The following HACD4 variants were observed in gnomAD, a reference collection of about 807,000 sequenced individuals.
HACD4 encodes very-long-chain (3R)-3-hydroxyacyl-CoA dehydratase 4.
Under a neutral mutation model 33.3 loss-of-function variants are expected in HACD4, and 35 were observed. The ratio of observed to expected loss-of-function variants is 1.05; its 90% CI spans 0.80 to 1.39. The LOEUF (loss-of-function observed/expected upper bound fraction) is 1.39, where lower values mean the gene tolerates loss of function less well. Ranked by LOEUF, HACD4 falls within the 40% of genes most tolerant of loss-of-function variation. The pLI, the probability that HACD4 is intolerant of heterozygous loss-of-function variation, is 0.00. For missense variants in HACD4, 323 were observed against 276.5 expected, an observed-to-expected ratio of 1.17 and a Z score of -1.19; for synonymous variants, 118 against 98.0, an observed-to-expected ratio of 1.20 and a Z score of -1.21.
chr9:21,007,092 TATAG>T lies in HACD4; in HGVS notation c.640_643del (p.Leu214ThrfsTer60). ...TCCGAGGATGTCTCTTCTTTCTGAG[TATAG>T]ATGACTGTAGGTAAAATACATACCT... On this transcript the variant is annotated frameshift_variant, in exon 7 of 7. Coordinates refer to ENST00000495827, the MANE Select transcript of HACD4 (RefSeq NM_001010915.5). LOFTEE classifies it high-confidence loss of function. 1 of 1,579,236 alleles carries T rather than the reference TATAG, an allele frequency of 6.3e-7. No individual in the cohort carries two copies. Among genetic ancestry groups the T allele is most frequent in the Non-Finnish European group, 8.7e-7 (1 of 1,148,396 alleles).
At position 21,000,561 on chromosome 9, in the gene HACD4, T is replaced by C. The variant is rs1032854792; in HGVS notation, c.*6476A>G. ...CATTCTAAACAGGTGAACTTGTTAA[T>C]TGTGGCTGTTGCTCCCTGAACATAC... On this transcript the variant is annotated 3_prime_UTR_variant, in exon 7 of 7. Transcript: ENST00000495827. The C allele has an allele frequency of 3.9e-5, 6 of 152,176 alleles. No homozygotes were observed. Among genetic ancestry groups the C allele is most frequent in the Non-Finnish European group, 7.4e-5 (5 of 68,014 alleles). 9.4% of individuals were successfully genotyped at this position (152,176 alleles called of 1,614,324 possible).
rs575433471 is a variant in HACD4 at position 21,015,757 on chromosome 9, A to G, written c.383+141T>C. ...CCATTATGGAGAACACTAAAAATAC[A>G]TTTCCATATCAAGATAAAATAATTT... On this transcript the variant is annotated intron_variant, in intron 4 of 6. Transcript: ENST00000495827. 120 of 543,168 alleles carry G rather than the reference A, an allele frequency of 2.2e-4. 3 individuals carry two copies. In the East Asian group the frequency reaches 3.6e-3, roughly 16 times the overall value. The allele number at this position is 543,168 out of a possible 1,614,324, so 33.6% of individuals were successfully genotyped here.
At chr9:21,024,819 A>T (rs1818021502) in intron 3 of HACD4, among the ~76,000 whole-genome samples, 1 of 152,248 alleles carries the variant, frequency 6.6e-6, no homozygotes, top group East Asian at 1.9e-4. Context: ...CCTTTAAAAA[A>T]TACCAATAGA....
intron 4 of HACD4, among the ~76,000 whole-genome samples, chr9:21,012,422 C>A: frequency 6.6e-6 from 1 of 152,162 alleles, no homozygotes; most frequent in Middle Eastern, 3.2e-3. Context: ...AGGGACCACA[C>A]TTTGAGAACT....
intron 3 of HACD4, among the ~76,000 whole-genome samples, chr9:21,025,574 T>C (rs1818041055): frequency 6.6e-6 from 1 of 152,222 alleles, no homozygotes; most frequent in East Asian, 1.9e-4. Flanking sequence ...GAAACTCGTG[T>C]TCTTATAGTT....
Position 21,003,900 on chromosome 9 carries a change from T to C in HACD4, c.*3137A>G, listed in dbSNP as rs983188853. ...TCCTTTTTAAAAAGTACTTAGTATA[T>C]TTTTATACCTTTTATCTTCCTGTAT... On this transcript the variant is annotated 3_prime_UTR_variant, in exon 7 of 7. Transcript: ENST00000495827. 1.3e-5 allele frequency: 2 copies of C among 152,192 alleles called. No individual in the cohort carries two copies. Among genetic ancestry groups the C allele is most frequent in the African/African-American group, 4.8e-5 (2 of 41,454 alleles). The allele number at this position is 152,192 out of a possible 1,614,324, so 9.4% of individuals were successfully genotyped here.
chr9:21,004,543 G>A lies in HACD4; in HGVS notation c.*2494C>T, dbSNP rs1288996065. The A allele has an allele frequency of 6.6e-6, 1 of 152,164 alleles. No homozygotes were observed. The highest frequency in any genetic ancestry group is 1.5e-5 in the Non-Finnish European group (1 of 68,046). 9.4% of individuals were successfully genotyped at this position (152,164 alleles called of 1,614,324 possible). ...GAGATGGTTTCTCCCTCCACCATGT[G>A]AACATATAGCAAGAAGGCATTCATC... is the stretch of plus-strand genomic sequence containing the variant. On this transcript the variant is annotated 3_prime_UTR_variant, in exon 7 of 7. Coordinates refer to ENST00000495827, the MANE Select transcript of HACD4 (RefSeq NM_001010915.5). This position sits in a 1 kb window ranked among gnomAD's most constrained non-coding sequence, Gnocchi z 4.6.
At chr9:21,021,021 T>G (rs1455886886) in intron 3 of HACD4, among the ~76,000 whole-genome samples, 2 of 152,150 alleles carry the variant, frequency 1.3e-5, no homozygotes, top group East Asian at 1.9e-4. Context: ...ATCAAAAAGC[T>G]TATCCACCAC....
intron 3 of HACD4, among the ~76,000 whole-genome samples, chr9:21,019,858 T>C (rs1052966813): frequency 1.0e-5 from 1 of 99,256 alleles, no homozygotes; most frequent in African/African-American, 3.1e-5. Context: ...GTGATTTTAA[T>C]GGAAAGTCAG....
At chr9:21,007,480 TG>T (rs890430206) in intron 6 of HACD4, among the ~76,000 whole-genome samples, 1 of 152,204 alleles carries the variant, frequency 6.6e-6, no homozygotes, top group African/African-American at 2.4e-5. Context: ...AGGTTAGAGC[TG>T]GGAAAACAAA....
chr9:21,013,743 A>C (rs10738573), intron 4 of HACD4, among the ~76,000 whole-genome samples: 148,870 of 152,292 alleles, frequency 0.98, 72,881 homozygotes, highest in Non-Finnish European at 1. Flanking sequence ...GTACTTTATT[A>C]TTTTTATGCT....
intron 6 of HACD4, among the ~76,000 whole-genome samples, chr9:21,007,682 C>T (rs1200646397): frequency 6.6e-6 from 1 of 152,158 alleles, no homozygotes; most frequent in Non-Finnish European, 1.5e-5. Context: ...TAAATGGAAA[C>T]ATCAGAAATA....
intron 3 of HACD4, among the ~76,000 whole-genome samples, chr9:21,017,119 T>G (rs1169959844): frequency 1.3e-5 from 2 of 152,132 alleles, no homozygotes; most frequent in Non-Finnish European, 2.9e-5. Context: ...GGGGAATGAT[T>G]TATATTTTTC....
intron 3 of HACD4, among the ~76,000 whole-genome samples, chr9:21,025,604 A>G (rs1008717091): frequency 1.3e-5 from 2 of 152,192 alleles, no homozygotes; most frequent in Non-Finnish European, 2.9e-5. Flanking sequence ...TTACTGTCCC[A>G]TAAGAAAGGG....
At chr9:21,016,413 G>A (rs1842557158) in intron 3 of HACD4, among the ~76,000 whole-genome samples, 1 of 152,202 alleles carries the variant, frequency 6.6e-6, no homozygotes, top group Non-Finnish European at 1.5e-5. Flanking sequence ...AGCACAGTGT[G>A]TGCCAGATAT....
intron 6 of HACD4, 73 bp downstream of exon 6, chr9:21,007,948 A>C (rs1393427865): frequency 2.1e-6 from 3 of 1,407,236 alleles, no homozygotes; most frequent in Non-Finnish European, 2.9e-6. Context: ...CAACCTGTAT[A>C]TTAAGGTAGA....
At chr9:21,020,611 C>CTCATTTCGG (rs1038694087) in intron 3 of HACD4, among the ~76,000 whole-genome samples, 8 of 152,088 alleles carry the variant, frequency 5.3e-5, no homozygotes, top group Admixed American at 1.3e-4. Flanking sequence ...AGTTTGCAAG[C>CTCATTTCGG]TCATTTCGGA....
chr9:21,004,977 A>C lies in HACD4; in HGVS notation c.*2060T>G, dbSNP rs1842235057. ...GAAGAGGGTGGGAGAGAAAGCCTCC[A>C]TCTTCATAGAGAACACGTAAATCAC... On this transcript the variant is annotated 3_prime_UTR_variant, in exon 7 of 7. Coordinates refer to ENST00000495827, the MANE Select transcript of HACD4 (RefSeq NM_001010915.5). This position sits in a 1 kb window ranked among gnomAD's most constrained non-coding sequence, Gnocchi z 4.6. 1.3e-5 allele frequency: 2 copies of C among 152,206 alleles called. No individual in the cohort carries two copies. Among genetic ancestry groups the C allele is most frequent in the African/African-American group, 4.8e-5 (2 of 41,446 alleles). The allele number at this position is 152,206 out of a possible 1,614,324, so 9.4% of individuals were successfully genotyped here. A position where few individuals can be genotyped will look rare whatever the true frequency, so the allele number is the denominator to read the frequency against.
intron 4 of HACD4, among the ~76,000 whole-genome samples, chr9:21,013,307 C>T (rs1842482624): frequency 6.6e-6 from 1 of 152,068 alleles, no homozygotes; most frequent in Admixed American, 6.6e-5. Flanking sequence ...ATTGAATGGT[C>T]TTGGCATTGT....
Sources: gnomAD v4.1 joint callset for allele counts (sites outside exome capture counted in the v4.1 genomes callset) on GRCh38, gnomAD v4.1.1 for gene constraint, Gnocchi (gnomAD v3.1) non-coding constraint, MANE v1.5 for transcripts, NCBI Gene and HGNC (gene_info 2026-07-23, HGNC 2026-07-21) for gene names.